Variants in BAHCC1 observed in about 807,000 individuals in gnomAD.
BAHCC1 encodes BAH and coiled-coil domain-containing protein 1.
A neutral mutation model predicts 88.2 loss-of-function variants in BAHCC1; 43 were observed. That is an observed-to-expected ratio of 0.49 (90% CI 0.38 to 0.63). The LOEUF (loss-of-function observed/expected upper bound fraction) is 0.63. Among genes scored for constraint, BAHCC1 ranks in the 20% least tolerant of loss-of-function variants. The pLI is 0.00. For missense variants in BAHCC1, 3,023 were observed against 1,654.8 expected, an observed-to-expected ratio of 1.83 and a Z score of -14.34; for synonymous variants, 1,510 against 745.5, an observed-to-expected ratio of 2.03 and a Z score of -16.71.
At chr17:81,398,470 G>C (rs1397423470) in intron 1 of BAHCC1, among the ~76,000 whole-genome samples, 1 of 152,030 alleles carries the variant, frequency 6.6e-6, no homozygotes, top group African/African-American at 2.4e-5. Context: ...GGGCGCCGCA[G>C]ACCCCGCGTA....
At chr17:81,455,509 C>T (rs1173194045) in intron 15 of BAHCC1, 119 bp downstream of exon 15, 4 of 628,368 alleles carry the variant, frequency 6.4e-6, no homozygotes, top group Non-Finnish European at 1.2e-5. Context: ...ATGAGCGAAG[C>T]AAGGCTGGGG....
intron 2 of BAHCC1, among the ~76,000 whole-genome samples, chr17:81,426,272 G>T (rs2064197024): frequency 6.8e-6 from 1 of 147,468 alleles, no homozygotes; most frequent in African/African-American, 2.5e-5. Context: ...GGGTGATGTG[G>T]TTGGGGGTGA....
chr17:81,453,282 C>CGGCGCAGTCGTT (rs2064679877), intron 14 of BAHCC1, among the ~76,000 whole-genome samples: 1 of 152,360 alleles, frequency 6.6e-6, no homozygotes, highest in South Asian at 2.1e-4. Context: ...ATTACCCGCC[C>CGGCGCAGTCGTT]GGCGCAGTCG....
Position 81,455,401 on chromosome 17 carries a change from A to G in BAHCC1, c.4569+11A>G. On this transcript the variant is annotated intron_variant, in intron 15 of 27. Coordinates refer to ENST00000675386, the MANE Select transcript of BAHCC1 (RefSeq NM_001377448.1). ...CAGACTGCCTCCGTGGTGAGTGCCG[A>G]GGCGCCCGCCTTGCCCCAGGGCCCT... 2 of 714,936 alleles carry G rather than the reference A, an allele frequency of 2.8e-6. No individual in the cohort carries two copies. The allele number at this position is 714,936 out of a possible 1,614,324, so 44.3% of individuals were successfully genotyped here. A position where few individuals can be genotyped will look rare whatever the true frequency, so the allele number is the denominator to read the frequency against.
At chr17:81,455,762 C>G (rs2064737501) in intron 15 of BAHCC1, among the ~76,000 whole-genome samples, 1 of 152,134 alleles carries the variant, frequency 6.6e-6, no homozygotes, top group Non-Finnish European at 1.5e-5. Flanking sequence ...TGCCGGCACC[C>G]CCTTTCTTCT....
chr17:81,450,778 G>C (rs1162385972), intron 11 of BAHCC1, among the ~76,000 whole-genome samples: 2 of 152,218 alleles, frequency 1.3e-5, no homozygotes, highest in African/African-American at 4.8e-5. Flanking sequence ...ACAAGGAATC[G>C]AGGGCCTGGG....
In BAHCC1 at chr17:81,442,051, G is replaced by T; in HGVS notation, c.702G>T (p.Glu234Asp). The T allele has an allele frequency of 1.4e-6, 1 of 718,072 alleles. No homozygotes were observed. The allele number at this position is 718,072 out of a possible 1,614,324, so 44.5% of individuals were successfully genotyped here. Reference sequence around the variant, plus strand: ...GAGAGAAGGCGGGCAAGGCCGCTGAGGGCAAGGAGCGGCCAGCGGCAGAGG... The same window carrying T: ...GAGAGAAGGCGGGCAAGGCCGCTGATGGCAAGGAGCGGCCAGCGGCAGAGG... ...LGREKAGKAA[E>D]GKERPAAEED... is the part of the protein sequence containing the mutation. Residue 234 changes from glutamate (E) to aspartate (D), a missense_variant, in exon 5 of 28, where the codon GAG becomes GAT. Glu to Asp is a conservative substitution (Grantham distance 45, BLOSUM62 2). Transcript: ENST00000675386.
rs782616262 is a variant in BAHCC1 at position 81,461,129 on chromosome 17, G to T, written c.6466G>T (p.Asp2156Tyr). 1 of 763,212 alleles carries T rather than the reference G, an allele frequency of 1.3e-6. No homozygotes were observed. The highest frequency in any genetic ancestry group is 2.4e-6 in the Non-Finnish European group (1 of 415,846). The allele number at this position is 763,212 out of a possible 1,614,324, so 47.3% of individuals were successfully genotyped here. A position where few individuals can be genotyped will look rare whatever the true frequency, so the allele number is the denominator to read the frequency against. Reference protein sequence around the residue: ...TPIFGNGFRADSFSSLASSYA... With the variant: ...TPIFGNGFRAYSFSSLASSYA... ...CATATTTGGCAACGGCTTCCGCGCC[G>T]ACTCCTTCAGCAGCCTGGCCAGCTC... Residue 2156 changes from aspartate to tyrosine, a missense_variant, in exon 26 of 28, where the codon GAC becomes TAC. Physicochemically the swap from Asp to Tyr is radical, Grantham distance 160 (BLOSUM62 -3). Transcript: ENST00000675386.
intron 5 of BAHCC1, 27 bp from the exon 6 acceptor site, chr17:81,443,782 C>T (rs1212815891): frequency 1.4e-6 from 1 of 706,310 alleles, no homozygotes; most frequent in Non-Finnish European, 2.6e-6. Flanking sequence ...CCAACCCTCT[C>T]CCGTCTGCTG....
At chr17:81,455,453 C>T (rs1455733242) in intron 15 of BAHCC1, 63 bp downstream of exon 15, 2 of 695,486 alleles carry the variant, frequency 2.9e-6, no homozygotes, top group Admixed American at 2.0e-5. Flanking sequence ...CCCTTCCTGG[C>T]AGGTAGCAGA....
At chr17:81,456,697 T>G (rs912980726) in intron 16 of BAHCC1, 112 bp downstream of exon 16, 2 of 610,480 alleles carry the variant, frequency 3.3e-6, no homozygotes, top group Non-Finnish European at 5.8e-6. Context: ...TCATGGCTTG[T>G]GGGGTGTGAC....
chr17:81,456,490 C>T lies in BAHCC1; in HGVS notation c.4763C>T (p.Ser1588Phe). The part of the protein sequence containing the change: ...KLSRAKSAKV[S>F]GATRHPQPKG... ...TCCCGAGCCAAGAGTGCCAAGGTGT[C>T]TGGGGCCACACGGCACCCACAGCCC... Residue 1588 changes from serine (S) to phenylalanine (F), a missense_variant, in exon 16 of 28, where the codon TCT (serine) becomes TTT (phenylalanine). Ser to Phe is a radical substitution (Grantham distance 155, BLOSUM62 -2). Transcript: ENST00000675386. 1 of 719,940 alleles carries T rather than the reference C, an allele frequency of 1.4e-6. No individual in the cohort carries two copies. Among genetic ancestry groups the T allele is most frequent in the Non-Finnish European group, 2.6e-6 (1 of 386,742 alleles). The allele number at this position is 719,940 out of a possible 1,614,324, so 44.6% of individuals were successfully genotyped here.
At chr17:81,460,105 G>A (rs1170492890) in intron 23 of BAHCC1, among the ~76,000 whole-genome samples, 172 bp from the exon 24 acceptor site, 4 of 152,116 alleles carry the variant, frequency 2.6e-5, no homozygotes, top group South Asian at 2.1e-4. Context: ...TGCAGGAGGT[G>A]GAGAGGAGGC....
intron 2 of BAHCC1, among the ~76,000 whole-genome samples, chr17:81,415,069 C>A: frequency 6.9e-6 from 1 of 145,610 alleles, no homozygotes; most frequent in South Asian, 2.1e-4. Context: ...CCTTCCCGCC[C>A]CGGCCCCTCT....
At position 81,399,899 on chromosome 17, in the gene BAHCC1, C is replaced by T; in HGVS notation, c.160C>T (p.Pro54Ser). 2 of 1,447,788 alleles carry T rather than the reference C, an allele frequency of 1.4e-6. No homozygotes were observed. The highest frequency in any genetic ancestry group is 1.8e-6 in the Non-Finnish European group (2 of 1,097,444). 89.7% of individuals were successfully genotyped at this position (1,447,788 alleles called of 1,614,324 possible). Residue 54 changes from proline to serine, a missense_variant, in exon 2 of 28, where the codon CCC becomes TCC. By Grantham distance (74) the Pro-to-Ser change is moderately conservative. Coordinates refer to ENST00000675386, the MANE Select transcript of BAHCC1 (RefSeq NM_001377448.1). The surrounding 1 kb of genome is among the most constrained non-coding windows in gnomAD (Gnocchi z 4.5). ...QPGKYFPSPLPMASHTASSRL... is the reference protein window; with the variant it reads ...QPGKYFPSPLSMASHTASSRL... ...GGGAAAGTACTTCCCGTCGCCGTTG[C>T]CCATGGCTTCGCACACAGGTCAGTG...
chr17:81,436,733 G>C (rs56404339), intron 3 of BAHCC1, among the ~76,000 whole-genome samples: 3 of 152,136 alleles, frequency 2.0e-5, no homozygotes, highest in Admixed American at 1.3e-4. Context: ...CCTCAGCCCC[G>C]TGTCCTCAGC....
Position 81,426,895 on chromosome 17 carries a change from G to A in BAHCC1, c.274G>A (p.Gly92Ser), listed in dbSNP as rs997364449. ...LGSAASTHPS[G>S]PSSSPPEQAY... ...CTCGGCAGCCTCCACGCACCCCAGC[G>A]GCCCCAGCTCCTCCCCCCCTGAGCA... Residue 92 changes from glycine to serine, a missense_variant, in exon 3 of 28, where the codon GGC (glycine) becomes AGC (serine). Physicochemically the swap from Gly to Ser is moderately conservative, Grantham distance 56. Transcript: ENST00000675386. 1.3e-5 allele frequency: 5 copies of A among 398,798 alleles called. No homozygotes were observed. Among genetic ancestry groups the A allele is most frequent in the African/African-American group, 4.1e-5 (2 of 48,552 alleles). 24.7% of individuals were successfully genotyped at this position (398,798 alleles called of 1,614,324 possible). A position where few individuals can be genotyped will look rare whatever the true frequency, so the allele number is the denominator to read the frequency against.
intron 1 of BAHCC1, chr17:81,396,735 G>A (rs1555644961): frequency 6.6e-6 from 1 of 152,238 alleles, no homozygotes; most frequent in Non-Finnish European, 1.5e-5. Context: ...GCCACGCCTG[G>A]GGCCGCGGCA....
intron 2 of BAHCC1, among the ~76,000 whole-genome samples, chr17:81,409,551 C>G (rs114493724): frequency 6.6e-6 from 1 of 152,192 alleles, no homozygotes; most frequent in Non-Finnish European, 1.5e-5. Context: ...TGATTGTCCA[C>G]GCGGGGTCGC....
Sources: allele counts gnomAD v4.1 joint callset (sites outside exome capture counted in the v4.1 genomes callset), GRCh38; gene constraint gnomAD v4.1.1; non-coding constraint Gnocchi (gnomAD v3.1); transcripts MANE v1.5; gene names NCBI Gene and HGNC (gene_info 2026-07-23, HGNC 2026-07-21).